PPARA: variants seen among roughly 807,000 people sequenced by gnomAD.
The protein encoded by PPARA is peroxisome proliferator-activated receptor alpha.
In PPARA, 22 loss-of-function variants were observed where a neutral mutation model predicts 42.2. The observed-to-expected ratio is 0.52, with a 90% CI of 0.37 to 0.74. The LOEUF is 0.74. PPARA is among the 30% of genes least tolerant of loss of function. PPARA has a pLI of 0.00. For synonymous variants in PPARA, 242 were observed against 239.3 expected (o/e 1.01, Z -0.10); for missense variants, 465 against 608.2 (o/e 0.76, Z 2.48).
chr22:46,221,945 C>T lies in PPARA; in HGVS notation c.711+1931C>T, dbSNP rs921350948. ...ACAAAAAATTAGCTGGGCATGGTAG[C>T]GGTTGCCTGTAATCCCAGCTACTTG... is the stretch of plus-strand genomic sequence containing the variant. On this transcript the variant is annotated intron_variant, in intron 7 of 8. Transcript: ENST00000407236. The surrounding 1 kb of genome is among the most constrained non-coding windows in gnomAD (Gnocchi z 5.9). Among the ~76,000 whole-genome samples, 7 of 151,890 alleles carry T rather than the reference C, an allele frequency of 4.6e-5. No individual in the cohort carries two copies. Among genetic ancestry groups the T allele is most frequent in the Admixed American group, 4.6e-4 (7 of 15,232 alleles).
Position 46,203,039 on chromosome 22 carries a change from A to T in PPARA, c.208+4448A>T, listed in dbSNP as rs1932924118. 6.6e-6 allele frequency among the ~76,000 whole-genome samples: 1 copy of T among 152,128 alleles called. No individual in the cohort carries two copies. The highest frequency in any genetic ancestry group is 1.5e-5 in the Non-Finnish European group (1 of 68,024). The stretch of plus-strand genomic sequence containing the variant: ...TCCCTGGTTTTGACCACCAGCCTTT[A>T]AAGTGGCAAGCGGGTGATAACCCAT... On this transcript the variant is annotated intron_variant, in intron 4 of 8. Transcript: ENST00000407236. The surrounding 1 kb of genome is among the most constrained non-coding windows in gnomAD (Gnocchi z 5.8).
chr22:46,153,675 A>G (rs535351512), intron 2 of PPARA, among the ~76,000 whole-genome samples: 41 of 151,644 alleles, frequency 2.7e-4, no homozygotes, highest in Non-Finnish European at 5.2e-4. Context: ...CCTGGCCAAT[A>G]TGGTGAAACC....
rs548442763 is a variant in PPARA, at chr22:46,163,060, G to A, written c.-127+11090G>A. ...GACTCCCAGCTTCAAGGAGAGGCACGGAGGGAAACTGAGAGCAGCCTGCAG... is the reference window on the plus strand; with the variant it reads ...GACTCCCAGCTTCAAGGAGAGGCACAGAGGGAAACTGAGAGCAGCCTGCAG... On this transcript the variant is annotated intron_variant, in intron 2 of 8. Transcript: ENST00000407236. This position sits in a 1 kb window ranked among gnomAD's most constrained non-coding sequence, Gnocchi z 4.9. 6.6e-5 allele frequency among the ~76,000 whole-genome samples: 10 copies of A among 152,312 alleles called. No homozygotes were observed. Among genetic ancestry groups the A allele is most frequent in the South Asian group, 4.2e-4 (2 of 4,814 alleles).
rs549507580 is a variant in PPARA, at chr22:46,231,171, C to T, written c.712-621C>T. Among the ~76,000 whole-genome samples the T allele has an allele frequency of 6.6e-6, 1 of 152,222 alleles. No homozygotes were observed. Among genetic ancestry groups the T allele is most frequent in the African/African-American group, 2.4e-5 (1 of 41,520 alleles). On this transcript the variant is annotated intron_variant, in intron 7 of 8. Coordinates refer to ENST00000407236, the MANE Select transcript of PPARA (RefSeq NM_005036.6). This position sits in a 1 kb window ranked among gnomAD's most constrained non-coding sequence, Gnocchi z 7.7. ...TCCCAGGTTCAAGCGATTCTCCTGC[C>T]TCAGCCTCCCGAGTAGCTGGGGTTA...
rs887467059 is a variant in PPARA, at chr22:46,219,346, C to T, written c.509-466C>T. ...GTGTACCACCTCAAACATCTCACCACGTTATGAATTTCCTTCTAGCCAATC... is the reference window on the plus strand; with the variant it reads ...GTGTACCACCTCAAACATCTCACCATGTTATGAATTTCCTTCTAGCCAATC... On this transcript the variant is annotated intron_variant, in intron 6 of 8. Transcript: ENST00000407236. The surrounding 1 kb of genome is among the most constrained non-coding windows in gnomAD (Gnocchi z 4.8). Among the ~76,000 whole-genome samples, 14 of 152,146 alleles carry T rather than the reference C, an allele frequency of 9.2e-5. No individual in the cohort carries two copies. The highest frequency in any genetic ancestry group is 1.8e-4 in the Non-Finnish European group (12 of 68,024).
intron 7 of PPARA, among the ~76,000 whole-genome samples, chr22:46,220,889 G>A (rs1014323272): frequency 4.6e-4 from 70 of 151,936 alleles, no homozygotes; most frequent in African/African-American, 1.6e-3. Context: ...GTTACAGCAA[G>A]CTGAGATCAT....
intron 4 of PPARA, among the ~76,000 whole-genome samples, chr22:46,209,027 G>C (rs929963763): frequency 1.3e-5 from 2 of 152,166 alleles, no homozygotes; most frequent in Non-Finnish European, 2.9e-5. Context: ...AAACATGGAA[G>C]TGTAGACATC....
chr22:46,179,018 C>T (rs939307474), intron 3 of PPARA, among the ~76,000 whole-genome samples: 6 of 152,230 alleles, frequency 3.9e-5, no homozygotes, highest in Admixed American at 1.3e-4. Context: ...TGCTGGCATC[C>T]GGTGAGGGCC....
chr22:46,195,042 A>G lies in PPARA; in HGVS notation c.-42-3300A>G, dbSNP rs1245751759. Among the ~76,000 whole-genome samples the G allele has an allele frequency of 1.3e-5, 2 of 150,058 alleles. No individual in the cohort carries two copies. Among genetic ancestry groups the G allele is most frequent in the Non-Finnish European group, 3.0e-5 (2 of 67,700 alleles). ...CTCAGTCTCCTGAGTAGCTGGGATT[A>G]CAGGCGCCTACCACCACGCCCGGCT... On this transcript the variant is annotated intron_variant, in intron 3 of 8. Transcript: ENST00000407236. This position sits in a 1 kb window ranked among gnomAD's most constrained non-coding sequence, Gnocchi z 4.6.
In PPARA at chr22:46,238,627, C is replaced by T. The variant is rs1217526317; in HGVS notation, c.*3247C>T. 1 of 152,260 alleles carries T rather than the reference C, an allele frequency of 6.6e-6. No homozygotes were observed. The highest frequency in any genetic ancestry group is 1.5e-5 in the Non-Finnish European group (1 of 68,052). The allele number at this position is 152,260 out of a possible 1,614,324, so 9.4% of individuals were successfully genotyped here. A position where few individuals can be genotyped will look rare whatever the true frequency, so the allele number is the denominator to read the frequency against. Reference sequence around the variant, plus strand: ...TAACAGCCTTGGTCTACCGTGCTGACCAGGGTGAAGGCACGGCGAGGGACT... The same window carrying T: ...TAACAGCCTTGGTCTACCGTGCTGATCAGGGTGAAGGCACGGCGAGGGACT... On this transcript the variant is annotated 3_prime_UTR_variant, in exon 9 of 9. Coordinates refer to ENST00000407236, the MANE Select transcript of PPARA (RefSeq NM_005036.6). This position sits in a 1 kb window ranked among gnomAD's most constrained non-coding sequence, Gnocchi z 8.3.
chr22:46,168,328 G>T (rs4253647), intron 2 of PPARA, among the ~76,000 whole-genome samples: 2 of 103,406 alleles, frequency 1.9e-5, no homozygotes, highest in African/African-American at 3.7e-5. Flanking sequence ...CTCCAGCCTG[G>T]ACAACAGAGC....
At position 46,216,237 on chromosome 22, in the gene PPARA, G is replaced by T. The variant is rs1183988561; in HGVS notation, c.369+904G>T. 8.5e-5 allele frequency among the ~76,000 whole-genome samples: 13 copies of T among 152,088 alleles called. No homozygotes were observed. Among genetic ancestry groups the T allele is most frequent in the Non-Finnish European group, 1.3e-4 (9 of 68,024 alleles). ...GTCTCTACTAAAAATACAAAAATTA[G>T]CCAGGTGTGGTGGTGGGTGCCTGTA... is the stretch of plus-strand genomic sequence containing the variant. On this transcript the variant is annotated intron_variant, in intron 5 of 8. Coordinates refer to ENST00000407236, the MANE Select transcript of PPARA (RefSeq NM_005036.6). The surrounding 1 kb of genome is among the most constrained non-coding windows in gnomAD (Gnocchi z 4.5).
intron 4 of PPARA, 76 bp downstream of exon 4, chr22:46,198,667 T>TTC (rs1555947749): frequency 2.6e-5 from 37 of 1,397,408 alleles, no homozygotes; most frequent in Non-Finnish European, 3.5e-5. Flanking sequence ...TCTTTTTTTT[T>TTC]TTTTTTTTTT....
rs1800234 is a variant in PPARA, at chr22:46,219,983, T to C, written c.680T>C (p.Val227Ala). 5,867 of 1,614,026 alleles carry C rather than the reference T, an allele frequency of 3.6e-3. 145 individuals are homozygous for C. The East Asian group carries it at 0.049, about 14-fold the overall frequency. The change falls in exon 7 of 9, where the codon GTC (valine) becomes GCC (alanine). Residue 227 changes from valine (V) to alanine (A), a missense_variant. Physicochemically the swap from Val to Ala is moderately conservative, Grantham distance 64. Transcript: ENST00000407236. The surrounding 1 kb of genome is among the most constrained non-coding windows in gnomAD (Gnocchi z 4.8). ...NFNMNKVKAR[V>A]ILSGKASNNP... ...AACATGAACAAGGTCAAAGCCCGGG[T>C]CATCCTCTCAGGAAAGGCCAGTAAC...
chr22:46,183,703 T>C lies in PPARA; in HGVS notation c.-43+6867T>C, dbSNP rs4253681. Among the ~76,000 whole-genome samples, 29,823 of 152,152 alleles carry C rather than the reference T, an allele frequency of 0.2. 3,168 individuals carry two copies. Among genetic ancestry groups the C allele is most frequent in the Middle Eastern group, 0.29 (85 of 294 alleles). Reference sequence around the variant, plus strand: ...ATTGCAGTGAGCTGTAATTGCACCATGCACTCCAGCCTGGGTGAAAGAAGG... The same window carrying C: ...ATTGCAGTGAGCTGTAATTGCACCACGCACTCCAGCCTGGGTGAAAGAAGG... On this transcript the variant is annotated intron_variant, in intron 3 of 8. Coordinates refer to ENST00000407236, the MANE Select transcript of PPARA (RefSeq NM_005036.6). The surrounding 1 kb of genome is among the most constrained non-coding windows in gnomAD (Gnocchi z 5.5).
rs544646686 is a variant in PPARA at position 46,222,417 on chromosome 22, C to T, written c.711+2403C>T. ...GGGAATTACAAGGTGGAATTTTAGT[C>T]ACAGGAAAATAAAGCATTTCACAAG... On this transcript the variant is annotated intron_variant, in intron 7 of 8. Coordinates refer to ENST00000407236, the MANE Select transcript of PPARA (RefSeq NM_005036.6). The surrounding 1 kb of genome is among the most constrained non-coding windows in gnomAD (Gnocchi z 5.9). Among the ~76,000 whole-genome samples the T allele has an allele frequency of 6.6e-6, 1 of 152,306 alleles. No individual in the cohort carries two copies. The highest frequency in any genetic ancestry group is 1.9e-4 in the East Asian group (1 of 5,182).
intron 4 of PPARA, among the ~76,000 whole-genome samples, chr22:46,201,539 G>C (rs1351338272): frequency 6.6e-6 from 1 of 152,168 alleles, no homozygotes; most frequent in Non-Finnish European, 1.5e-5. Flanking sequence ...GTCAGGTGGC[G>C]CCTTGAGTGG....
chr22:46,207,966 T>C (rs1322536665), intron 4 of PPARA, among the ~76,000 whole-genome samples: 1 of 152,016 alleles, frequency 6.6e-6, no homozygotes, highest in Non-Finnish European at 1.5e-5. Context: ...ATTACAGGGA[T>C]TACAAGTGTG....
At chr22:46,197,747 C>CA (rs1932450506) in intron 3 of PPARA, among the ~76,000 whole-genome samples, 1 of 151,126 alleles carries the variant, frequency 6.6e-6, no homozygotes, top group South Asian at 2.1e-4. Context: ...ACTAATAATA[C>CA]AAAAAAACTA....
Sources: gnomAD v4.1 joint callset for allele counts (sites outside exome capture counted in the v4.1 genomes callset) on GRCh38, gnomAD v4.1.1 for gene constraint, Gnocchi (gnomAD v3.1) non-coding constraint, MANE v1.5 for transcripts, NCBI Gene and HGNC (gene_info 2026-07-23, HGNC 2026-07-21) for gene names.